The following ZFHX3 variants were observed in gnomAD, a reference collection of about 807,000 sequenced individuals.
ZFHX3 encodes the protein zinc finger homeobox 3.
A neutral mutation model predicts 279.1 loss-of-function variants in ZFHX3; 42 were observed. That is an observed-to-expected ratio of 0.15 (90% CI 0.12 to 0.19). ZFHX3 has a LOEUF of 0.19. Ranked by LOEUF, ZFHX3 falls within the 10% of genes least tolerant of loss-of-function variation. The probability of loss-of-function intolerance (pLI) is 1.00; values close to 1 mark genes in which losing one functional copy is unlikely to be tolerated. For missense variants in ZFHX3, 4,981 were observed against 4,754.0 expected (o/e 1.05, Z -1.40); for synonymous variants, 2,293 against 1,957.8 (o/e 1.17, Z -4.52).
At chr16:73,313,547 G>C (rs1010356834) in intron 4 of ZFHX3, among the ~76,000 whole-genome samples, 2 of 152,130 alleles carry the variant, frequency 1.3e-5, no homozygotes, top group African/African-American at 2.4e-5. Context: ...GACTCGAGGA[G>C]GTTGAAGATC....
intron 4 of ZFHX3, among the ~76,000 whole-genome samples, chr16:72,846,755 C>T (rs187123124): frequency 2.0e-5 from 3 of 152,252 alleles, no homozygotes; most frequent in East Asian, 1.9e-4. Flanking sequence ...AGTGCAGATA[C>T]GGATGTGGCT....
At position 73,114,209 on chromosome 16, in the gene ZFHX3, C is replaced by A. The variant is rs148240816; in HGVS notation, c.-897+16759G>T. On this transcript the variant is annotated intron_variant, in intron 7 of 17. Transcript: ENST00000641206. ...CAAAGTGTTGGGATTCAGGCATGAG[C>A]CACCGTGTCTGGCTGGAAACTTTCA... is the stretch of plus-strand genomic sequence containing the variant. 8.7e-4 allele frequency among the ~76,000 whole-genome samples: 133 copies of A among 152,058 alleles called. 2 individuals are homozygous for A. The highest frequency in any genetic ancestry group is 3.2e-3 in the African/African-American group (131 of 41,466).
chr16:72,796,424 G>T lies in ZFHX3; in HGVS notation c.6258C>A (p.Thr2086=), dbSNP rs1258506690. The change falls in exon 9 of 10, where the codon ACC becomes ACA. Residue 2086 remains threonine (T), a synonymous_variant. Coordinates refer to ENST00000268489, the MANE Select transcript of ZFHX3 (RefSeq NM_006885.4). The part of the protein sequence containing the change: ...IAPAQPSVPL[T]QLSMPMELPI... ...GCAGCTCCATCGGCATGGAGAGCTG[G>T]GTGAGCGGCACTGATGGCTGGGCCG... is the stretch of plus-strand genomic sequence containing the variant. 1 of 1,611,370 alleles carries T rather than the reference G, an allele frequency of 6.2e-7. No homozygotes were observed. Among genetic ancestry groups the T allele is most frequent in the African/African-American group, 1.3e-5 (1 of 74,864 alleles).
intron 6 of ZFHX3, among the ~76,000 whole-genome samples, chr16:73,139,103 C>T (rs535361812): frequency 1.3e-5 from 2 of 152,242 alleles, no homozygotes; most frequent in South Asian, 4.1e-4. Flanking sequence ...CCTAATGAGA[C>T]GAGACAGATT....
intron 3 of ZFHX3, among the ~76,000 whole-genome samples, chr16:73,359,305 G>A (rs2016396747): frequency 1.3e-5 from 2 of 151,996 alleles, no homozygotes; most frequent in South Asian, 4.1e-4. Flanking sequence ...AGTAGAGAAT[G>A]GCATGTGCAG....
In ZFHX3 at chr16:72,960,024, T is replaced by C. The variant is rs771487918; in HGVS notation, c.122A>G (p.Gln41Arg). The C allele has an allele frequency of 6.2e-7, 1 of 1,613,956 alleles. No homozygotes were observed. The highest frequency in any genetic ancestry group is 1.1e-5 in the South Asian group (1 of 91,072). The change falls in exon 2 of 10, where the codon CAG becomes CGG. Residue 41 changes from glutamine (Q) to arginine (R), a missense_variant. By Grantham distance (43) the Gln-to-Arg change is conservative. Transcript: ENST00000268489. Reference protein sequence around the residue: ...HLPDKPSSMEQSTGESHGPLD... With the variant: ...HLPDKPSSMERSTGESHGPLD... The stretch of plus-strand genomic sequence containing the variant: ...GGGCCCGTGGCTCTCGCCTGTGGAC[T>C]GCTCCATGCTACTGGGTTTGTCAGG...
intron 4 of ZFHX3, among the ~76,000 whole-genome samples, chr16:73,287,486 G>A (rs956813808): frequency 1.1e-4 from 16 of 147,834 alleles, no homozygotes; most frequent in African/African-American, 3.5e-4. Flanking sequence ...GTGGCTGTGT[G>A]GGTTGATGAG....
At chr16:73,731,541 C>CA (rs1458141515) in intron 1 of ZFHX3, among the ~76,000 whole-genome samples, 1 of 150,752 alleles carries the variant, frequency 6.6e-6, no homozygotes, top group Non-Finnish European at 1.5e-5. Flanking sequence ...GTGATCGGAA[C>CA]AAAAAACACA....
chr16:73,045,163 C>A (rs1196005318), intron 1 of ZFHX3, among the ~76,000 whole-genome samples: 3 of 152,176 alleles, frequency 2.0e-5, no homozygotes, highest in African/African-American at 7.2e-5. Context: ...CTGAAAGATA[C>A]ACCAAAAAGG....
chr16:73,870,522 G>A (rs896991798), intron 1 of ZFHX3, among the ~76,000 whole-genome samples: 1 of 151,958 alleles, frequency 6.6e-6, no homozygotes, highest in African/African-American at 2.4e-5. Flanking sequence ...CTTTTTTTAA[G>A]GAACTGAGGA....
chr16:73,577,203 AT>A lies in ZFHX3; in HGVS notation c.-1547+102976del, dbSNP rs372092098. 7.9e-4 allele frequency among the ~76,000 whole-genome samples: 120 copies of A among 152,282 alleles called. 1 individual carries two copies. The highest frequency in any genetic ancestry group is 2.9e-3 in the South Asian group (14 of 4,828). Reference sequence around the variant, plus strand: ...AAGATGTCTTCTTAATGATAAAAAAATAATACTTTATATTTTTTCCCTTAAA... The same window carrying A: ...AAGATGTCTTCTTAATGATAAAAAAAAATACTTTATATTTTTTCCCTTAAA... On this transcript the variant is annotated intron_variant, in intron 2 of 17. Transcript: ENST00000641206.
intron 5 of ZFHX3, among the ~76,000 whole-genome samples, chr16:73,145,469 G>T (rs1966859007): frequency 6.6e-6 from 1 of 152,244 alleles, no homozygotes; most frequent in Admixed American, 6.5e-5. Flanking sequence ...GGGGCGATTG[G>T]CTTTATTGGA....
At chr16:72,902,203 T>C (rs1229096651) in intron 3 of ZFHX3, among the ~76,000 whole-genome samples, 1 of 152,238 alleles carries the variant, frequency 6.6e-6, no homozygotes, top group Non-Finnish European at 1.5e-5. Context: ...TTGTTCTTCT[T>C]GCTCCCAGAA....
chr16:73,792,697 T>C (rs1959862803), intron 1 of ZFHX3, among the ~76,000 whole-genome samples: 1 of 152,094 alleles, frequency 6.6e-6, no homozygotes, highest in South Asian at 2.1e-4. Context: ...CATGAACGAA[T>C]GGAGAATGGC....
At chr16:73,747,033 A>G (rs528614390) in intron 1 of ZFHX3, among the ~76,000 whole-genome samples, 152 of 152,320 alleles carry the variant, frequency 1.0e-3, no homozygotes, top group Non-Finnish European at 1.5e-3. Flanking sequence ...TTGTTTCACA[A>G]ATGAGTTTGT....
At chr16:73,834,432 T>C (rs566879383) in intron 1 of ZFHX3, among the ~76,000 whole-genome samples, 42 of 152,198 alleles carry the variant, frequency 2.8e-4, no homozygotes, top group Admixed American at 7.2e-4. Context: ...TGAAGTGTTC[T>C]TGGAGGGATG....
In ZFHX3 at chr16:72,796,982, C is replaced by A. The variant is rs926236567; in HGVS notation, c.5700G>T (p.Glu1900Asp). 8.7e-6 allele frequency: 14 copies of A among 1,613,852 alleles called. No homozygotes were observed. Among genetic ancestry groups the A allele is most frequent in the Admixed American group, 3.3e-5 (2 of 59,980 alleles). ...QRERDSAEGG[E>D]GNTGPKETLP... ...GTGTTTCCTTCGGACCGGTGTTGCC[C>A]TCTCCCCCCTCGGCGCTGTCCCTCT... Residue 1900 changes from glutamate to aspartate, a missense_variant, in exon 9 of 10, where the codon GAG becomes GAT. This residue lies in a region of ZFHX3 where 1,751 missense variants were observed against 1,770.0 expected (regional missense o/e 0.99). Coordinates refer to ENST00000268489, the MANE Select transcript of ZFHX3 (RefSeq NM_006885.4).
chr16:73,404,078 G>A (rs2017310586), intron 3 of ZFHX3, among the ~76,000 whole-genome samples: 1 of 152,152 alleles, frequency 6.6e-6, no homozygotes, highest in African/African-American at 2.4e-5. Context: ...TTTTGCACCA[G>A]TGGGAACTCT....
chr16:72,930,152 A>T (rs932989866), intron 3 of ZFHX3, among the ~76,000 whole-genome samples: 1 of 152,192 alleles, frequency 6.6e-6, no homozygotes, highest in Non-Finnish European at 1.5e-5. Flanking sequence ...CGGGAGGTGG[A>T]GGTTGCAGTG....
Sources: allele counts gnomAD v4.1 joint callset (sites outside exome capture counted in the v4.1 genomes callset), GRCh38; gene constraint gnomAD v4.1.1; regional missense constraint gnomAD v4.1.1; transcripts MANE v1.5; gene names NCBI Gene and HGNC (gene_info 2026-07-23, HGNC 2026-07-21).